The following GALNT9 variants were observed in gnomAD, a reference collection of about 807,000 sequenced individuals.
GALNT9 encodes the protein polypeptide N-acetylgalactosaminyltransferase 9.
Under a neutral mutation model 63.1 loss-of-function variants are expected in GALNT9, and 47 were observed. That is an observed-to-expected ratio of 0.75 (90% CI 0.59 to 0.95). The LOEUF (loss-of-function observed/expected upper bound fraction) is 0.95. Among genes scored for constraint, GALNT9 ranks in the 40% least tolerant of loss-of-function variants. The pLI, the probability that GALNT9 is intolerant of heterozygous loss-of-function variation, is 0.00. For missense variants in GALNT9, 829 were observed against 874.8 expected (o/e 0.95, Z 0.66); for synonymous variants, 396 against 365.7 (o/e 1.08, Z -0.94).
intron 3 of GALNT9, among the ~76,000 whole-genome samples, chr12:132,261,371 G>A (rs1489182755): frequency 2.0e-5 from 3 of 150,524 alleles, no homozygotes; most frequent in Non-Finnish European, 4.4e-5. Flanking sequence ...GACAGACAGA[G>A]AGACAGACAG....
intron 6 of GALNT9, among the ~76,000 whole-genome samples, chr12:132,214,734 G>A (rs1038058340): frequency 2.6e-5 from 4 of 152,012 alleles, no homozygotes; most frequent in South Asian, 2.1e-4. Flanking sequence ...TCTGGGATCC[G>A]TGCGTAACAA....
At chr12:132,281,610 G>A (rs1880345458) in intron 2 of GALNT9, among the ~76,000 whole-genome samples, 1 of 152,220 alleles carries the variant, frequency 6.6e-6, no homozygotes, top group Admixed American at 6.5e-5. Context: ...GCTCTGTCAA[G>A]GTTCATCCCG....
Position 132,241,162 on chromosome 12 carries a change from G to A in GALNT9, c.1077+6748C>T, listed in dbSNP as rs2136900871. ...CCCTCCCTATACCCATTACACACACGCCACACCCCCTTCCCAGGGCCCTCC... is the reference window on the plus strand; with the variant it reads ...CCCTCCCTATACCCATTACACACACACCACACCCCCTTCCCAGGGCCCTCC... On this transcript the variant is annotated intron_variant, in intron 6 of 10. Transcript: ENST00000328957. 8.7e-3 allele frequency among the ~76,000 whole-genome samples: 292 copies of A among 33,548 alleles called. 1 individual carries two copies. The highest frequency in any genetic ancestry group is 0.05 in the Middle Eastern group (1 of 20). 22.0% of individuals were successfully genotyped at this position (33,548 alleles called of 152,430 possible). A position where few individuals can be genotyped will look rare whatever the true frequency, so the allele number is the denominator to read the frequency against.
intron 1 of GALNT9, among the ~76,000 whole-genome samples, chr12:132,300,918 C>T (rs1881271840): frequency 1.3e-5 from 2 of 152,396 alleles, no homozygotes; most frequent in South Asian, 4.1e-4. Flanking sequence ...GGGCAGAGCC[C>T]CTGCAGACCT....
In GALNT9 at chr12:132,252,201, G is replaced by T. The variant is rs1555238641; in HGVS notation, c.960-4174C>A. On this transcript the variant is annotated intron_variant, in intron 5 of 10. Coordinates refer to ENST00000328957, the MANE Select transcript of GALNT9 (RefSeq NM_001122636.2). This position sits in a 1 kb window ranked among gnomAD's most constrained non-coding sequence, Gnocchi z 5.2. ...CTAGGACTGTCCCATTGAAGCTCAG[G>T]TGCTTCAACTCTGCAGGGAGCAAAG... is the stretch of plus-strand genomic sequence containing the variant. Among the ~76,000 whole-genome samples the T allele has an allele frequency of 6.6e-6, 1 of 152,142 alleles. No homozygotes were observed. The highest frequency in any genetic ancestry group is 2.4e-5 in the African/African-American group (1 of 41,438).
At chr12:132,230,228 C>T (rs1267377163) in intron 6 of GALNT9, among the ~76,000 whole-genome samples, 20 of 152,194 alleles carry the variant, frequency 1.3e-4, no homozygotes, top group African/African-American at 3.6e-4. Flanking sequence ...CATGTGTGTG[C>T]GTGCCCCTTG....
chr12:132,197,448 T>C (rs531123841), intron 10 of GALNT9, among the ~76,000 whole-genome samples, 195 bp from the exon 11 acceptor site: 250 of 148,888 alleles, frequency 1.7e-3, no homozygotes, highest in Admixed American at 5.7e-3. Flanking sequence ...GGATTTCCCA[T>C]CTTTCCTGCA....
intron 1 of GALNT9, among the ~76,000 whole-genome samples, chr12:132,304,262 C>T (rs370235617): frequency 9.0e-5 from 4 of 44,570 alleles, no homozygotes; most frequent in African/African-American, 1.9e-4. Context: ...CACCCTCACC[C>T]GGGCACACCC....
intron 1 of GALNT9, among the ~76,000 whole-genome samples, chr12:132,309,521 G>T (rs1555244976): frequency 6.6e-6 from 1 of 152,202 alleles, no homozygotes. Context: ...GGGCAGCGGG[G>T]TGTAAATCCA....
At chr12:132,275,632 G>A (rs1880053580) in intron 2 of GALNT9, 1 of 152,312 alleles carries the variant, frequency 6.6e-6, no homozygotes. Context: ...GCCAATTTGA[G>A]ATGGATTTTC....
At chr12:132,302,333 C>T (rs1555243913) in intron 1 of GALNT9, among the ~76,000 whole-genome samples, 1 of 151,860 alleles carries the variant, frequency 6.6e-6, no homozygotes, top group Non-Finnish European at 1.5e-5. Flanking sequence ...CCATATTATT[C>T]TGTAAGATCA....
intron 6 of GALNT9, among the ~76,000 whole-genome samples, chr12:132,241,139 C>T (rs1428309321): frequency 2.1e-5 from 2 of 94,090 alleles, no homozygotes; most frequent in Non-Finnish European, 4.4e-5. Context: ...TCCAGGGGCC[C>T]TCCCTATACC....
At position 132,329,174 on chromosome 12, in the gene GALNT9, C is replaced by T. The variant is rs1307001330; in HGVS notation, c.30G>A (p.Leu10=). The T allele has an allele frequency of 6.5e-7, 1 of 1,548,636 alleles. No individual in the cohort carries two copies. Among genetic ancestry groups the T allele is most frequent in the African/African-American group, 1.4e-5 (1 of 72,914 alleles). Residue 10 remains leucine (L), a synonymous_variant, in exon 1 of 11, where the codon TTG becomes TTA. Transcript: ENST00000328957. ...CGAACACCAGGATGTTCACCGTCAGCAAAGTTCGGATCTTCCTGGCCACCG... is the reference window on the plus strand; with the variant it reads ...CGAACACCAGGATGTTCACCGTCAGTAAAGTTCGGATCTTCCTGGCCACCG... The part of the protein sequence containing the change: MAVARKIRT[L]LTVNILVFVG...
At chr12:132,248,284 C>T (rs1878791024) in intron 5 of GALNT9, among the ~76,000 whole-genome samples, 1 of 152,240 alleles carries the variant, frequency 6.6e-6, no homozygotes, top group Non-Finnish European at 1.5e-5. Context: ...ACAGAACCCG[C>T]ATTCAATTCA....
At chr12:132,328,744 C>T (rs182941330) in intron 1 of GALNT9, among the ~76,000 whole-genome samples, 1 of 152,228 alleles carries the variant, frequency 6.6e-6, no homozygotes, top group African/African-American at 2.4e-5. Flanking sequence ...GGGGATTCCT[C>T]AAGTCTCCAC....
chr12:132,252,708 G>A lies in GALNT9; in HGVS notation c.960-4681C>T, dbSNP rs922220585. On this transcript the variant is annotated intron_variant, in intron 5 of 10. Coordinates refer to ENST00000328957, the MANE Select transcript of GALNT9 (RefSeq NM_001122636.2). The surrounding 1 kb of genome is among the most constrained non-coding windows in gnomAD (Gnocchi z 5.2). The stretch of plus-strand genomic sequence containing the variant: ...AGCCTGACCAACATGGAGAAACCCC[G>A]TCTCTACTAAAAATACCAAAAAAAA... 3.9e-5 allele frequency among the ~76,000 whole-genome samples: 6 copies of A among 151,984 alleles called. No homozygotes were observed. Among genetic ancestry groups the A allele is most frequent in the African/African-American group, 1.5e-4 (6 of 41,354 alleles).
chr12:132,258,860 A>G (rs1879252174), intron 4 of GALNT9, among the ~76,000 whole-genome samples: 1 of 152,120 alleles, frequency 6.6e-6, no homozygotes. Flanking sequence ...CACGCTGGAG[A>G]CCCACAGGGC....
chr12:132,269,313 G>T (rs1471996504), intron 2 of GALNT9, among the ~76,000 whole-genome samples: 2 of 152,260 alleles, frequency 1.3e-5, no homozygotes, highest in Admixed American at 6.5e-5. Context: ...CGCGTGGCGG[G>T]TCCCATGCCC....
At chr12:132,293,481 G>A (rs1880935504) in intron 1 of GALNT9, among the ~76,000 whole-genome samples, 2 of 152,216 alleles carry the variant, frequency 1.3e-5, no homozygotes. Flanking sequence ...CTGGAGCCAA[G>A]CTTCTCCACA....
Sources: gnomAD v4.1 joint callset for allele counts (sites outside exome capture counted in the v4.1 genomes callset) on GRCh38, gnomAD v4.1.1 for gene constraint, Gnocchi (gnomAD v3.1) non-coding constraint, MANE v1.5 for transcripts, NCBI Gene and HGNC (gene_info 2026-07-23, HGNC 2026-07-21) for gene names.